PCDHA2: variants seen among roughly 807,000 people sequenced by gnomAD.
The protein encoded by PCDHA2 is protocadherin alpha 2.
Under a neutral mutation model 66.0 loss-of-function variants are expected in PCDHA2, and 58 were observed. The ratio of observed to expected loss-of-function variants is 0.88; its 90% CI spans 0.71 to 1.09. PCDHA2 has a LOEUF of 1.09. PCDHA2 is among the 50% of genes least tolerant of loss of function. The probability of loss-of-function intolerance (pLI) is 0.00; values close to 1 mark genes in which losing one functional copy is unlikely to be tolerated. For synonymous variants in PCDHA2, 634 were observed against 554.0 expected, an observed-to-expected ratio of 1.14 and a Z score of -2.03; for missense variants, 1,267 against 1,242.3, an observed-to-expected ratio of 1.02 and a Z score of -0.30.
intron 1 of PCDHA2, among the ~76,000 whole-genome samples, chr5:140,886,847 A>AT (rs2061191950): frequency 6.6e-6 from 1 of 151,038 alleles, no homozygotes; most frequent in Non-Finnish European, 1.5e-5. Flanking sequence ...AAAAAAAAAA[A>AT]GAAAGGTCTT....
At chr5:140,998,720 A>G (rs1554256437) in intron 3 of PCDHA2, among the ~76,000 whole-genome samples, 1 of 152,092 alleles carries the variant, frequency 6.6e-6, no homozygotes, top group African/African-American at 2.4e-5. Context: ...TTGCACCACC[A>G]CGCTAGGCTA....
Position 140,852,281 on chromosome 5 carries a change from T to C in PCDHA2, c.2388+54929T>C, listed in dbSNP as rs2150514779. ...ATGCTACAATATTACATGTTTTTTG[T>C]CTTTTTATTTTTCTGAGACGGAGTC... On this transcript the variant is annotated intron_variant, in intron 1 of 3. Coordinates refer to ENST00000526136, the MANE Select transcript of PCDHA2 (RefSeq NM_018905.3). 5.5e-5 allele frequency: 28 copies of C among 508,306 alleles called. 1 individual carries two copies. In the South Asian group the frequency reaches 2.0e-3, roughly 37 times the overall value. 31.5% of individuals were successfully genotyped at this position (508,306 alleles called of 1,614,324 possible).
chr5:140,926,944 G>A, intron 1 of PCDHA2: 1 of 1,588,324 alleles, frequency 6.3e-7, no homozygotes, highest in Non-Finnish European at 8.6e-7. Flanking sequence ...CTGCGGCGCT[G>A]CAGCGGGACA....
intron 3 of PCDHA2, among the ~76,000 whole-genome samples, chr5:141,008,162 G>A (rs1280112352): frequency 6.6e-6 from 1 of 152,128 alleles, no homozygotes; most frequent in East Asian, 1.9e-4. Flanking sequence ...ATAAGATGAG[G>A]ACTAAAATGT....
At chr5:140,857,314 G>C in intron 1 of PCDHA2, 1 of 1,598,746 alleles carries the variant, frequency 6.3e-7, no homozygotes, top group Non-Finnish European at 8.6e-7. Flanking sequence ...CCTATGAGCT[G>C]GTGGTGACCG....
chr5:140,894,197 A>C (rs1378272032), intron 1 of PCDHA2, among the ~76,000 whole-genome samples: 1 of 152,008 alleles, frequency 6.6e-6, no homozygotes, highest in Non-Finnish European at 1.5e-5. Context: ...TATTTTTTCT[A>C]TGCTATTATA....
chr5:140,981,185 T>C (rs2096921770), intron 2 of PCDHA2, among the ~76,000 whole-genome samples: 1 of 152,224 alleles, frequency 6.6e-6, no homozygotes. Flanking sequence ...TAGTTCAAGT[T>C]TGCCTGCTCT....
chr5:140,907,272 C>T (rs1164055585), intron 1 of PCDHA2, among the ~76,000 whole-genome samples: 1 of 152,224 alleles, frequency 6.6e-6, no homozygotes, highest in Non-Finnish European at 1.5e-5. Flanking sequence ...GCCATTCCAT[C>T]ATTCTATCAA....
intron 1 of PCDHA2, chr5:140,883,223 T>C: frequency 6.2e-7 from 1 of 1,613,922 alleles, no homozygotes; most frequent in Non-Finnish European, 8.5e-7. Flanking sequence ...ATATGAAATA[T>C]CCGTGGAGGC....
At chr5:140,859,564 T>C (rs1485342006) in intron 1 of PCDHA2, 1 of 176,228 alleles carries the variant, frequency 5.7e-6, no homozygotes, top group African/African-American at 2.4e-5. Context: ...ACCAATGCCA[T>C]GAATTTGTCA....
At chr5:140,820,525 A>G (rs2150107223) in intron 1 of PCDHA2, among the ~76,000 whole-genome samples, 2 of 152,164 alleles carry the variant, frequency 1.3e-5, no homozygotes, top group African/African-American at 4.8e-5. Flanking sequence ...GCAGAATGTT[A>G]GCTATTTCTT....
intron 1 of PCDHA2, among the ~76,000 whole-genome samples, chr5:140,950,128 A>T (rs1488144119): frequency 6.6e-6 from 1 of 151,920 alleles, no homozygotes; most frequent in Non-Finnish European, 1.5e-5. Flanking sequence ...AACCCACAAG[A>T]CACAGTTATA....
rs1210282107 is a variant in PCDHA2 at position 140,795,115 on chromosome 5, G to A, written c.151G>A (p.Asp51Asn). 3 of 1,614,060 alleles carry A rather than the reference G, an allele frequency of 1.9e-6. No individual in the cohort carries two copies. Among genetic ancestry groups the A allele is most frequent in the African/African-American group, 2.7e-5 (2 of 75,070 alleles). ...CACCTTCGTGGGCCGCATCGCGCAGGACCTGGGGCTGGAGCTGGAGGAGCT... is the reference window on the plus strand; with the variant it reads ...CACCTTCGTGGGCCGCATCGCGCAGAACCTGGGGCTGGAGCTGGAGGAGCT... ...HGTFVGRIAQ[D>N]LGLELEELVP... Residue 51 changes from aspartate (D) to asparagine (N), a missense_variant, in exon 1 of 4, where the codon GAC becomes AAC. Coordinates refer to ENST00000526136, the MANE Select transcript of PCDHA2 (RefSeq NM_018905.3).
At chr5:140,892,537 CTT>C (rs570429050) in intron 1 of PCDHA2, among the ~76,000 whole-genome samples, 2 of 152,252 alleles carry the variant, frequency 1.3e-5, no homozygotes, top group South Asian at 4.1e-4. Flanking sequence ...AGGATTCTGA[CTT>C]TTGTTTCTCT....
intron 1 of PCDHA2, chr5:140,803,715 G>A: frequency 6.8e-7 from 1 of 1,470,908 alleles, no homozygotes; most frequent in East Asian, 2.3e-5. Context: ...GACTTTTCCA[G>A]TTTTGTGGTT....
chr5:140,870,310 T>G, intron 1 of PCDHA2: 1 of 1,614,122 alleles, frequency 6.2e-7, no homozygotes, highest in South Asian at 1.1e-5. Flanking sequence ...CTTCAAGAAT[T>G]ACTACTCGTT....
chr5:140,844,849 G>T, intron 1 of PCDHA2, among the ~76,000 whole-genome samples: 1 of 148,746 alleles, frequency 6.7e-6, no homozygotes, highest in African/African-American at 2.5e-5. Flanking sequence ...TGTGACTGTT[G>T]GACCTGCCTG....
intron 2 of PCDHA2, among the ~76,000 whole-genome samples, chr5:140,980,491 G>A (rs917181390): frequency 2.6e-5 from 4 of 152,132 alleles, no homozygotes; most frequent in Non-Finnish European, 5.9e-5. Flanking sequence ...TTAGCTGGGC[G>A]TGATGGCATG....
Position 140,809,414 on chromosome 5 carries a change from A to G in PCDHA2, c.2388+12062A>G, listed in dbSNP as rs541059549. The G allele has an allele frequency of 3.0e-5, 49 of 1,614,198 alleles. No individual in the cohort carries two copies. The East Asian group carries it at 9.6e-4, about 32-fold the overall frequency. ...GGGCAAGCCCACGCTGGTGTGCTCCAGTGCGGTGGGGAGCTGGTCATACTC... is the reference window on the plus strand; with the variant it reads ...GGGCAAGCCCACGCTGGTGTGCTCCGGTGCGGTGGGGAGCTGGTCATACTC... On this transcript the variant is annotated intron_variant, in intron 1 of 3. Coordinates refer to ENST00000526136, the MANE Select transcript of PCDHA2 (RefSeq NM_018905.3).
Sources: gnomAD v4.1 joint callset for allele counts (sites outside exome capture counted in the v4.1 genomes callset) on GRCh38, gnomAD v4.1.1 for gene constraint, MANE v1.5 for transcripts, NCBI Gene and HGNC (gene_info 2026-07-23, HGNC 2026-07-21) for gene names.